FGF13: variants seen among roughly 807,000 people sequenced by gnomAD.
FGF13 encodes fibroblast growth factor 13.
A neutral mutation model predicts 19.5 loss-of-function variants in FGF13; 2 were observed. The observed-to-expected ratio is 0.10, with a 90% CI of 0.04 to 0.32. FGF13 has a LOEUF of 0.32. Ranked by LOEUF, FGF13 falls within the 10% of genes least tolerant of loss-of-function variation. The pLI is 1.00. For missense variants in FGF13, 113 were observed against 192.7 expected (o/e 0.59, Z 2.45); for synonymous variants, 72 against 76.9 (o/e 0.94, Z 0.33).
chrX:139,189,153 T>C (rs1462302106), intron 1 of FGF13, among the ~76,000 whole-genome samples: 1 of 110,839 alleles, frequency 9.0e-6, no homozygotes, highest in African/African-American at 3.3e-5. Flanking sequence ...CTATTTACTC[T>C]ACTCATGGTT....
At chrX:138,768,298 G>A (rs1035932793) in intron 3 of FGF13, among the ~76,000 whole-genome samples, 1 of 112,271 alleles carries the variant, frequency 8.9e-6, no homozygotes, top group Non-Finnish European at 1.9e-5. Context: ...ATTGTCTGAT[G>A]TATAAGCTCT....
intron 1 of FGF13, among the ~76,000 whole-genome samples, chrX:139,187,023 C>CA (rs1193012109): frequency 8.9e-6 from 1 of 112,921 alleles, no homozygotes; most frequent in African/African-American, 3.2e-5. Context: ...TTCCCCACTA[C>CA]ACTGTGAGCC....
At chrX:138,708,095 C>T (rs1207540808) in intron 2 of FGF13, among the ~76,000 whole-genome samples, 2 of 112,326 alleles carry the variant, frequency 1.8e-5, no homozygotes, top group Non-Finnish European at 3.8e-5. Context: ...AAACATCAAT[C>T]ATCATTGAGG....
rs2090049411 is a variant in FGF13 at position 138,711,472 on chromosome X, C to A, written c.-469G>T. 1.4e-6 allele frequency: 1 copy of A among 734,238 alleles called. No individual in the cohort carries two copies. Among genetic ancestry groups the A allele is most frequent in the Non-Finnish European group, 1.6e-6 (1 of 619,774 alleles). The allele number at this position is 734,238 out of a possible 1,213,427, so 60.5% of individuals were successfully genotyped here. ...GCGGGAGAGAGGCCGGGAGCTCGGG[C>A]GGCCGGACGGAGGAGGGACGAGGCA... On this transcript the variant is annotated 5_prime_UTR_variant, in exon 1 of 5. Transcript: ENST00000315930.
intron 1 of FGF13, among the ~76,000 whole-genome samples, chrX:139,118,121 G>T (rs2083652102): frequency 9.0e-6 from 1 of 111,559 alleles, no homozygotes; most frequent in African/African-American, 3.3e-5. Flanking sequence ...CAGTTTAAAT[G>T]ATGAGAGAAC....
chrX:138,891,662 C>T (rs761544296), intron 1 of FGF13, among the ~76,000 whole-genome samples: 5 of 111,010 alleles, frequency 4.5e-5, no homozygotes, highest in Non-Finnish European at 5.7e-5. Flanking sequence ...AAGTATTGAT[C>T]CTGGGTGTGT....
intron 1 of FGF13, among the ~76,000 whole-genome samples, chrX:139,072,879 C>A (rs1414501569): frequency 8.9e-6 from 1 of 111,802 alleles, no homozygotes; most frequent in Non-Finnish European, 1.9e-5. Context: ...CATTCTACTT[C>A]CATGTCCTTG....
chrX:138,951,698 C>G (rs1290921715), intron 1 of FGF13, among the ~76,000 whole-genome samples: 1 of 111,187 alleles, frequency 9.0e-6, no homozygotes, highest in Non-Finnish European at 1.9e-5. Context: ...AGCAACATAC[C>G]CGCTAGAATG....
intron 1 of FGF13, among the ~76,000 whole-genome samples, chrX:138,871,638 A>G (rs1393276116): frequency 8.9e-6 from 1 of 112,478 alleles, no homozygotes; most frequent in Non-Finnish European, 1.9e-5. Context: ...CTCACTAAGA[A>G]GAAGACATTG....
intron 1 of FGF13, among the ~76,000 whole-genome samples, chrX:139,004,064 T>C (rs1168323256): frequency 3.6e-5 from 4 of 112,380 alleles, no homozygotes; most frequent in Non-Finnish European, 7.5e-5. Flanking sequence ...GACTGGGCGC[T>C]GTGGAGCAGG....
chrX:138,855,607 A>G (rs2091252685), downstream of FGF13, among the ~76,000 whole-genome samples: 2 of 111,772 alleles, frequency 1.8e-5, no homozygotes, highest in Admixed American at 9.6e-5. Flanking sequence ...CCCATTAAAC[A>G]CAATGGCAAC....
At chrX:138,668,421 T>A (rs913562525) in intron 3 of FGF13, among the ~76,000 whole-genome samples, 3 of 110,628 alleles carry the variant, frequency 2.7e-5, no homozygotes, top group African/African-American at 9.8e-5. Flanking sequence ...AAAATCAGGA[T>A]AGCAAAAGGT....
At chrX:138,735,523 ATAAG>A (rs2090267788) in intron 1 of FGF13, among the ~76,000 whole-genome samples, 1 of 112,261 alleles carries the variant, frequency 8.9e-6, no homozygotes, top group Non-Finnish European at 1.9e-5. Context: ...CCCTATTTAC[ATAAG>A]TAAGTGGCCA....
intron 1 of FGF13, among the ~76,000 whole-genome samples, chrX:138,909,405 C>T (rs974651201): frequency 1.8e-5 from 2 of 111,875 alleles, no homozygotes; most frequent in African/African-American, 6.5e-5. Context: ...CAATGGAAAG[C>T]TCCTGGATGT....
intron 1 of FGF13, among the ~76,000 whole-genome samples, chrX:138,916,469 A>G (rs750186132): frequency 8.9e-6 from 1 of 112,047 alleles, no homozygotes; most frequent in Admixed American, 9.5e-5. Flanking sequence ...ATAGACCACC[A>G]TCAGACAGGG....
rs1201272580 is a variant in FGF13, at chrX:138,697,565, G to A, written c.402+5419C>T. ...CCATGAATGAAAAAGGCTTGTCAAA[G>A]GATTTCTACTTGTCTATACGTTTTG... On this transcript the variant is annotated intron_variant, in intron 3 of 4. Coordinates refer to ENST00000315930, the MANE Select transcript of FGF13 (RefSeq NM_004114.5). Among the ~76,000 whole-genome samples, 6 of 110,138 alleles carry A rather than the reference G, an allele frequency of 5.4e-5. No individual in the cohort carries two copies. The Admixed American group carries it at 5.9e-4, about 11-fold the overall frequency.
At chrX:138,948,016 C>T (rs778106486) in intron 1 of FGF13, among the ~76,000 whole-genome samples, 2 of 111,586 alleles carry the variant, frequency 1.8e-5, no homozygotes, top group Non-Finnish European at 3.8e-5. Flanking sequence ...CCAACTCTGC[C>T]AACAACTTGA....
intron 3 of FGF13, among the ~76,000 whole-genome samples, chrX:138,694,551 T>C (rs1198204765): frequency 3.8e-5 from 4 of 106,161 alleles, no homozygotes; most frequent in East Asian, 5.9e-4. Context: ...CCTGGGTTCA[T>C]GCCATTCTCC....
intron 1 of FGF13, among the ~76,000 whole-genome samples, chrX:139,127,377 C>G (rs1312525098): frequency 1.8e-5 from 2 of 111,856 alleles, no homozygotes; most frequent in Non-Finnish European, 3.8e-5. Context: ...AGAACAAGGT[C>G]TTCACCTCTT....
Sources: allele counts gnomAD v4.1 joint callset (sites outside exome capture counted in the v4.1 genomes callset), GRCh38; gene constraint gnomAD v4.1.1; transcripts MANE v1.5; gene names NCBI Gene and HGNC (gene_info 2026-07-23, HGNC 2026-07-21).